The following RP1 variants were observed in gnomAD, a reference collection of about 807,000 sequenced individuals.
RP1 encodes RP1 axonemal microtubule associated.
In RP1, 16 loss-of-function variants were observed where a neutral mutation model predicts 14.8. The observed-to-expected ratio is 1.08, with a 90% CI of 0.73 to 1.65. The LOEUF (loss-of-function observed/expected upper bound fraction) is 1.65. RP1 is among the 40% of genes most tolerant of loss of function. RP1 has a pLI of 0.00. For synonymous variants in RP1, 876 were observed against 883.6 expected (o/e 0.99, Z 0.15); for missense variants, 2,631 against 2,535.0 (o/e 1.04, Z -0.81).
chr8:54,842,507 G>A (rs1394191370), intron 25 of RP1, among the ~76,000 whole-genome samples: 2 of 152,144 alleles, frequency 1.3e-5, no homozygotes, highest in South Asian at 2.1e-4. Flanking sequence ...AGAGCAGCAC[G>A]ATAGGTGCCA....
downstream of RP1, among the ~76,000 whole-genome samples, chr8:54,773,397 G>A (rs1809955124): frequency 6.6e-6 from 1 of 152,036 alleles, no homozygotes; most frequent in Non-Finnish European, 1.5e-5. Context: ...AGCACTTTGG[G>A]AGGCTGAGGT....
In RP1 at chr8:54,626,329, A is replaced by G. The variant is rs755905453; in HGVS notation, c.2447A>G (p.Asn816Ser). ...ESKYCKSTFE[N>S]KSLFHVFNIL... ...AAATATTGCAAAAGTACTTTTGAAA[A>G]CAAAAGTTTATTTCATGTATTTAAC... Residue 816 changes from asparagine to serine, a missense_variant, in exon 4 of 4, where the codon AAC becomes AGC. By Grantham distance (46) the Asn-to-Ser change is conservative (BLOSUM62 1). Transcript: ENST00000220676. 3.1e-6 allele frequency: 5 copies of G among 1,613,452 alleles called. No homozygotes were observed. The highest frequency in any genetic ancestry group is 4.2e-6 in the Non-Finnish European group (5 of 1,179,664).
chr8:54,622,114 T>C lies in RP1; in HGVS notation c.616-3T>C. On this transcript the variant is annotated splice_polypyrimidine_tract_variant and splice_region_variant and intron_variant, in intron 2 of 3. Transcript: ENST00000220676. ...TCAGGATAATGACTCTGGTCTCTTT[T>C]AGGTTCCCAGCCTCCAGGCAGTGAT... 2.5e-6 allele frequency: 4 copies of C among 1,614,158 alleles called. No individual in the cohort carries two copies. In the South Asian group the frequency reaches 3.3e-5, roughly 13 times the overall value.
At chr8:54,565,280 T>TG (rs1804377929) in intron 1 of RP1, among the ~76,000 whole-genome samples, 1 of 151,998 alleles carries the variant, frequency 6.6e-6, no homozygotes, top group Non-Finnish European at 1.5e-5. Context: ...AAACCTTAGC[T>TG]GGGGCTGGGT....
exon 21 of RP1, chr8:54,755,730 T>G: frequency 6.5e-7 from 1 of 1,532,060 alleles, no homozygotes. Context: ...CTCAGACAGC[T>G]GTACAAATCT....
chr8:54,799,754 G>C (rs1810659280), intron 24 of RP1, among the ~76,000 whole-genome samples: 1 of 151,822 alleles, frequency 6.6e-6, no homozygotes, highest in Non-Finnish European at 1.5e-5. Context: ...CAGTATAAGG[G>C]TCTTAGAATA....
At chr8:54,815,881 C>A (rs912146755) in intron 24 of RP1, among the ~76,000 whole-genome samples, 1 of 152,188 alleles carries the variant, frequency 6.6e-6, no homozygotes, top group Non-Finnish European at 1.5e-5. Flanking sequence ...TATGTCTAGA[C>A]ATGAACATTT....
intron 1 of RP1, among the ~76,000 whole-genome samples, chr8:54,572,286 G>T (rs1019228765): frequency 3.3e-5 from 5 of 152,208 alleles, no homozygotes; most frequent in South Asian, 2.1e-4. Context: ...AGGCCCACTT[G>T]ACTGAACATC....
intron 15 of RP1, among the ~76,000 whole-genome samples, chr8:54,713,948 G>C (rs914899971): frequency 2.0e-5 from 3 of 152,170 alleles, no homozygotes; most frequent in African/African-American, 7.2e-5. Flanking sequence ...GAAAATTATG[G>C]CAGTGAAAGA....
exon 4 of RP1, chr8:54,649,125 G>A: frequency 6.6e-7 from 1 of 1,506,108 alleles, no homozygotes; most frequent in Non-Finnish European, 8.8e-7. Flanking sequence ...TCGATTTCAG[G>A]TTGGCCATGA....
At chr8:54,763,771 G>A (rs1372956643) in intron 22 of RP1, among the ~76,000 whole-genome samples, 1 of 152,224 alleles carries the variant, frequency 6.6e-6, no homozygotes, top group Non-Finnish European at 1.5e-5. Context: ...CCAAATTGTA[G>A]TCAGATAGGT....
chr8:54,685,812 G>T (rs1807550286), intron 12 of RP1, among the ~76,000 whole-genome samples: 1 of 152,176 alleles, frequency 6.6e-6, no homozygotes, highest in Admixed American at 6.6e-5. Context: ...TGCAGCTGAT[G>T]CAACACTTGA....
intron 19 of RP1, among the ~76,000 whole-genome samples, chr8:54,750,821 T>C (rs1809346914): frequency 6.6e-6 from 1 of 152,164 alleles, no homozygotes; most frequent in Non-Finnish European, 1.5e-5. Context: ...ATCAGTGGTC[T>C]GTAAAACGCA....
intron 25 of RP1, among the ~76,000 whole-genome samples, chr8:54,844,990 T>C (rs1464577675): frequency 6.6e-6 from 1 of 152,224 alleles, no homozygotes; most frequent in South Asian, 2.1e-4. Context: ...ACCTCACCCC[T>C]CTTCAGTCAC....
At position 54,629,560 on chromosome 8, in the gene RP1, G is replaced by A. The variant is rs755363836; in HGVS notation, c.5678G>A (p.Gly1893Asp). Reference protein sequence around the residue: ...DDAIKNQPLPGSNMIHGTLQE... With the variant: ...DDAIKNQPLPDSNMIHGTLQE... ...GCTATTAAAAACCAACCATTGCCTG[G>A]CAGTAATATGATTCATGGTACACTT... Residue 1893 changes from glycine to aspartate, a missense_variant, in exon 4 of 4, where the codon GGC becomes GAC. Coordinates refer to ENST00000220676, the MANE Select transcript of RP1 (RefSeq NM_006269.2). The A allele has an allele frequency of 1.1e-5, 18 of 1,613,942 alleles. No homozygotes were observed. In the South Asian group the frequency reaches 1.8e-4, roughly 16 times the overall value.
chr8:54,599,029 C>T (rs1432093882), intron 1 of RP1, among the ~76,000 whole-genome samples: 1 of 152,128 alleles, frequency 6.6e-6, no homozygotes, highest in African/African-American at 2.4e-5. Flanking sequence ...AAGTTTTCAA[C>T]CATTATTTCT....
intron 16 of RP1, among the ~76,000 whole-genome samples, chr8:54,721,359 A>G (rs933344427): frequency 7.2e-5 from 11 of 152,334 alleles, no homozygotes; most frequent in Admixed American, 7.2e-4. Flanking sequence ...CTGAAGGGAA[A>G]CAGGTGACTT....
intron 25 of RP1, among the ~76,000 whole-genome samples, chr8:54,840,826 C>G (rs185694701): frequency 6.6e-6 from 1 of 152,130 alleles, no homozygotes; most frequent in African/African-American, 2.4e-5. Context: ...TTAGCTGAAG[C>G]ACACTAACCA....
chr8:54,844,920 C>T (rs182408893), intron 25 of RP1, among the ~76,000 whole-genome samples: 3 of 152,238 alleles, frequency 2.0e-5, no homozygotes, highest in Admixed American at 6.5e-5. Context: ...AATGAATTCT[C>T]TTAGGGGGAG....
Sources: gnomAD v4.1 joint callset for allele counts (sites outside exome capture counted in the v4.1 genomes callset) on GRCh38, gnomAD v4.1.1 for gene constraint, MANE v1.5 for transcripts, NCBI Gene and HGNC (gene_info 2026-07-23, HGNC 2026-07-21) for gene names.